Variants in TRMT11 observed in about 807,000 individuals in gnomAD.
TRMT11 encodes the protein tRNA (guanine(10)-N(2))-methyltransferase TRMT11.
A neutral mutation model predicts 62.8 loss-of-function variants in TRMT11; 53 were observed. That is an observed-to-expected ratio of 0.84 (90% CI 0.68 to 1.06). The LOEUF (loss-of-function observed/expected upper bound fraction) is 1.06, where lower values mean the gene tolerates loss of function less well. TRMT11 is among the 50% of genes least tolerant of loss of function. The pLI is 0.00. For missense variants in TRMT11, 556 were observed against 553.4 expected (o/e 1.00, Z -0.05); for synonymous variants, 188 against 190.3 (o/e 0.99, Z 0.10).
chr6:126,223,848 C>A, the TRMT11 span, among the ~76,000 whole-genome samples: 1 of 152,072 alleles, frequency 6.6e-6, no homozygotes, highest in Admixed American at 6.5e-5. Context: ...AGGTTTTGTT[C>A]ATTCTTTTTC....
chr6:126,235,310 C>T, the TRMT11 span, among the ~76,000 whole-genome samples: 3 of 152,174 alleles, frequency 2.0e-5, no homozygotes, highest in Non-Finnish European at 4.4e-5. Flanking sequence ...CCTCAAAGAC[C>T]TAGAGGCAGA....
intron 17 of TRMT11, among the ~76,000 whole-genome samples, chr6:126,065,723 T>C (rs902392430): frequency 6.6e-6 from 1 of 152,222 alleles, no homozygotes; most frequent in African/African-American, 2.4e-5. Flanking sequence ...AAGTACTCAA[T>C]AGATAATAAC....
chr6:126,225,582 A>G, the TRMT11 span, among the ~76,000 whole-genome samples: 1 of 151,346 alleles, frequency 6.6e-6, no homozygotes, highest in Non-Finnish European at 1.5e-5. Flanking sequence ...TCTTCTCTGT[A>G]GTCAAATGTT....
At chr6:126,083,636 A>C (rs145189228) in intron 17 of TRMT11, among the ~76,000 whole-genome samples, 47 of 152,286 alleles carry the variant, frequency 3.1e-4, no homozygotes, top group African/African-American at 1.1e-3. Flanking sequence ...TGTGGCAAGA[A>C]CAGCTAAAGC....
intron 17 of TRMT11, among the ~76,000 whole-genome samples, chr6:126,074,249 C>A (rs936841204): frequency 1.3e-5 from 2 of 152,146 alleles, no homozygotes; most frequent in Non-Finnish European, 2.9e-5. Context: ...CTCAGGGATG[C>A]CTTCTCCAAC....
chr6:126,256,904 G>A, the TRMT11 span, among the ~76,000 whole-genome samples: 4 of 151,766 alleles, frequency 2.6e-5, no homozygotes, highest in African/African-American at 4.8e-5. Context: ...TTTGTTTTTC[G>A]AGATGGAGTC....
At chr6:126,083,192 C>G (rs1320504717) in intron 17 of TRMT11, among the ~76,000 whole-genome samples, 1 of 152,076 alleles carries the variant, frequency 6.6e-6, no homozygotes, top group Non-Finnish European at 1.5e-5. Context: ...TCTTTCGGTC[C>G]CTGACAAACT....
intron 21 of TRMT11, among the ~76,000 whole-genome samples, chr6:126,131,140 T>TA (rs1777777147): frequency 1.3e-5 from 2 of 152,000 alleles, no homozygotes; most frequent in Non-Finnish European, 2.9e-5. Context: ...GAATATACTT[T>TA]AAAAAAATCT....
chr6:126,016,698 G>A (rs952462896), intron 11 of TRMT11, among the ~76,000 whole-genome samples: 8 of 93,182 alleles, frequency 8.6e-5, no homozygotes, highest in African/African-American at 4.1e-4. Context: ...ACATGTTTTA[G>A]GGATTTTTTT....
chr6:126,085,550 G>A (rs898569676), intron 17 of TRMT11, among the ~76,000 whole-genome samples: 4 of 152,218 alleles, frequency 2.6e-5, no homozygotes, highest in East Asian at 1.9e-4. Context: ...GGCCCTGATC[G>A]TGCCTTAATG....
chr6:126,129,540 T>C (rs1777756446), intron 21 of TRMT11, among the ~76,000 whole-genome samples: 1 of 152,012 alleles, frequency 6.6e-6, no homozygotes, highest in Non-Finnish European at 1.5e-5. Context: ...TTTTAGTTTT[T>C]GATGCAGTGT....
At chr6:126,244,456 A>G in the TRMT11 span, among the ~76,000 whole-genome samples, 1 of 152,258 alleles carries the variant, frequency 6.6e-6, no homozygotes, top group African/African-American at 2.4e-5. Context: ...GTAAGATTGC[A>G]TAGAATCTAT....
intron 16 of TRMT11, among the ~76,000 whole-genome samples, chr6:126,052,553 C>T (rs867574220): frequency 1.3e-5 from 2 of 152,084 alleles, no homozygotes; most frequent in East Asian, 1.9e-4. Flanking sequence ...TTTCCCTCTG[C>T]CCCCCTTTTT....
intron 12 of TRMT11, among the ~76,000 whole-genome samples, chr6:126,037,177 C>T (rs1775349189): frequency 6.6e-6 from 1 of 151,960 alleles, no homozygotes; most frequent in South Asian, 2.1e-4. Flanking sequence ...ATTAAGGGTG[C>T]AGTCTTTAGA....
intron 17 of TRMT11, among the ~76,000 whole-genome samples, chr6:126,093,952 C>T (rs1479562546): frequency 6.6e-6 from 1 of 151,936 alleles, no homozygotes; most frequent in Non-Finnish European, 1.5e-5. Context: ...AGAGCTTTTC[C>T]ACAGTATAAT....
chr6:125,989,345 C>G (rs1303981912), intron 1 of TRMT11, among the ~76,000 whole-genome samples: 1 of 151,960 alleles, frequency 6.6e-6, no homozygotes, highest in Non-Finnish European at 1.5e-5. Flanking sequence ...CCAGGATAGT[C>G]TCGGTCTCTT....
chr6:126,148,917 CT>C (rs1239173577), intron 21 of TRMT11, among the ~76,000 whole-genome samples: 1 of 152,136 alleles, frequency 6.6e-6, no homozygotes, highest in Admixed American at 6.6e-5. Flanking sequence ...GTTTCCTCAC[CT>C]GCAACATGAG....
Position 126,163,272 on chromosome 6 carries a change from G to A in TRMT11, c.*1824-11553G>A, listed in dbSNP as rs966184823. ...TATTGAGAGTTTTTAGCGTGAAGGG[G>A]TGTTGAATTTTATCGAAGGCCTTTT... is the stretch of plus-strand genomic sequence containing the variant. On this transcript the variant is annotated intron_variant and NMD_transcript_variant, in intron 21 of 22. Transcript: ENST00000648977. 2.0e-5 allele frequency among the ~76,000 whole-genome samples: 3 copies of A among 152,076 alleles called. No individual in the cohort carries two copies. In the South Asian group the frequency reaches 6.2e-4, roughly 32 times the overall value.
At chr6:126,257,047 G>A in the TRMT11 span, among the ~76,000 whole-genome samples, 8 of 151,786 alleles carry the variant, frequency 5.3e-5, no homozygotes, top group East Asian at 3.9e-4. Flanking sequence ...CACCACACCC[G>A]GCTAATTTTT....
Sources: allele counts gnomAD v4.1 joint callset (sites outside exome capture counted in the v4.1 genomes callset), GRCh38; gene constraint gnomAD v4.1.1; transcripts MANE v1.5; gene names NCBI Gene and HGNC (gene_info 2026-07-23, HGNC 2026-07-21).